The following RAPH1 variants were observed in gnomAD, a reference collection of about 807,000 sequenced individuals.
RAPH1 encodes ras-associated and pleckstrin homology domains-containing protein 1.
Under a neutral mutation model 88.1 loss-of-function variants are expected in RAPH1, and 18 were observed. The observed-to-expected ratio is 0.20, with a 90% CI of 0.14 to 0.30. The LOEUF is 0.30. Ranked by LOEUF, RAPH1 falls within the 10% of genes least tolerant of loss-of-function variation. The pLI, the probability that RAPH1 is intolerant of heterozygous loss-of-function variation, is 1.00. For missense variants in RAPH1, 1,448 were observed against 1,543.2 expected (o/e 0.94, Z 1.03); for synonymous variants, 587 against 559.0 (o/e 1.05, Z -0.71).
At chr2:203,464,766 T>C (rs1178177953) in intron 4 of RAPH1, among the ~76,000 whole-genome samples, 1 of 148,120 alleles carries the variant, frequency 6.8e-6, no homozygotes, top group Non-Finnish European at 1.5e-5. Context: ...AGAACTGTTA[T>C]AAAAAAAAAG....
intron 1 of RAPH1, among the ~76,000 whole-genome samples, chr2:203,529,028 T>C (rs1325128559): frequency 1.5e-5 from 2 of 132,220 alleles, no homozygotes; most frequent in Admixed American, 1.5e-4. Context: ...TTTTTTTTTT[T>C]TTGAGACAGG....
intron 10 of RAPH1, among the ~76,000 whole-genome samples, chr2:203,452,554 T>C (rs181539706): frequency 5.3e-5 from 8 of 152,240 alleles, no homozygotes; most frequent in Admixed American, 2.0e-4. Flanking sequence ...TGATCTCTTA[T>C]GTCAATTTAA....
chr2:203,478,256 A>G (rs1229703141), intron 4 of RAPH1, among the ~76,000 whole-genome samples: 4 of 151,892 alleles, frequency 2.6e-5, no homozygotes, highest in South Asian at 2.1e-4. Flanking sequence ...GGATGGTCTC[A>G]ATCTCCTGAC....
chr2:203,477,124 C>A, intron 4 of RAPH1: 1 of 1,613,994 alleles, frequency 6.2e-7, no homozygotes, highest in Non-Finnish European at 8.5e-7. Context: ...GACGCTTGGC[C>A]TGCTTGCTGG....
chr2:203,508,946 A>G (rs905047900), intron 1 of RAPH1, among the ~76,000 whole-genome samples: 2 of 152,020 alleles, frequency 1.3e-5, no homozygotes, highest in Non-Finnish European at 2.9e-5. Context: ...TTCCTAAAGT[A>G]TATTTGCCTT....
intron 1 of RAPH1, among the ~76,000 whole-genome samples, chr2:203,531,166 T>G (rs574710570): frequency 1.3e-5 from 2 of 152,260 alleles, no homozygotes; most frequent in Admixed American, 6.5e-5. Context: ...ACATTGGATT[T>G]GGCTACAGCC....
In RAPH1 at chr2:203,448,640, C is replaced by A; in HGVS notation, c.1512+98G>T. The A allele has an allele frequency of 1.3e-6, 1 of 740,896 alleles. No individual in the cohort carries two copies. 45.9% of individuals were successfully genotyped at this position (740,896 alleles called of 1,614,324 possible). ...TGAAAAACGTAGGCACTGGCAAATCCATGAACATGAAATAGTCAGAATAGT... is the reference window on the plus strand; with the variant it reads ...TGAAAAACGTAGGCACTGGCAAATCAATGAACATGAAATAGTCAGAATAGT... On this transcript the variant is annotated intron_variant, in intron 11 of 13. Transcript: ENST00000319170. The surrounding 1 kb of genome is among the most constrained non-coding windows in gnomAD (Gnocchi z 4.1).
At chr2:203,493,995 A>AG (rs1688395379) in intron 2 of RAPH1, among the ~76,000 whole-genome samples, 1 of 150,096 alleles carries the variant, frequency 6.7e-6, no homozygotes, top group African/African-American at 2.4e-5. Context: ...AAAAAAAAAA[A>AG]AAAGAAAAAA....
intron 4 of RAPH1, among the ~76,000 whole-genome samples, chr2:203,465,336 A>G (rs2098527631): frequency 6.6e-6 from 1 of 152,234 alleles, no homozygotes. Context: ...CAAGCCATGA[A>G]AAGACATGAA....
At chr2:203,500,573 C>G (rs1343423022) in intron 1 of RAPH1, among the ~76,000 whole-genome samples, 1 of 152,092 alleles carries the variant, frequency 6.6e-6, no homozygotes, top group East Asian at 1.9e-4. Context: ...TTTAAAATGG[C>G]CCACTCAAGA....
At chr2:203,478,278 C>T (rs1687562113) in intron 4 of RAPH1, among the ~76,000 whole-genome samples, 1 of 152,090 alleles carries the variant, frequency 6.6e-6, no homozygotes, top group African/African-American at 2.4e-5. Context: ...TCGTGATCCG[C>T]CCTCCTTGGC....
In RAPH1 at chr2:203,489,860, G is replaced by C. The variant is rs1688168454; in HGVS notation, c.456C>G (p.Ser152=). The change falls in exon 4 of 14, where the codon TCC becomes TCG. Residue 152 remains serine, a synonymous_variant. Coordinates refer to ENST00000319170, the MANE Select transcript of RAPH1 (RefSeq NM_213589.3). ...CTAACTGTGCAGTGACGTCGTCCAA[G>C]GAGTAGCTGGCATGGGAAGGTTTAG... ...RIAKPSHASY[S]LDDVTAQLEQ... The C allele has an allele frequency of 6.2e-7, 1 of 1,614,108 alleles. No individual in the cohort carries two copies. Among genetic ancestry groups the C allele is most frequent in the African/African-American group, 1.3e-5 (1 of 74,938 alleles).
intron 8 of RAPH1, among the ~76,000 whole-genome samples, chr2:203,457,200 T>C (rs1157250557): frequency 6.6e-6 from 1 of 151,854 alleles, no homozygotes; most frequent in Non-Finnish European, 1.5e-5. Context: ...TATTTATTTA[T>C]TTTATTGAGA....
Position 203,448,351 on chromosome 2 carries a change from T to C in RAPH1, c.1513-272A>G, listed in dbSNP as rs556177798. Among the ~76,000 whole-genome samples the C allele has an allele frequency of 4.9e-4, 74 of 152,320 alleles. No homozygotes were observed. In the South Asian group the frequency reaches 0.015, roughly 32 times the overall value. On this transcript the variant is annotated intron_variant, in intron 11 of 13. Coordinates refer to ENST00000319170, the MANE Select transcript of RAPH1 (RefSeq NM_213589.3). This position sits in a 1 kb window ranked among gnomAD's most constrained non-coding sequence, Gnocchi z 4.1. ...CCCAAATTCTTGATCCAAGGGCAGCTTTTTAGCACTCTTCAGGATACTGCT... is the reference window on the plus strand; with the variant it reads ...CCCAAATTCTTGATCCAAGGGCAGCCTTTTAGCACTCTTCAGGATACTGCT...
intron 7 of RAPH1, among the ~76,000 whole-genome samples, chr2:203,458,240 G>A (rs935567169): frequency 2.6e-5 from 4 of 152,182 alleles, no homozygotes; most frequent in Admixed American, 1.3e-4. Context: ...GTGGCAGCAC[G>A]CACCTGTAGT....
At chr2:203,531,764 A>C (rs1177841480) in intron 1 of RAPH1, among the ~76,000 whole-genome samples, 1 of 152,232 alleles carries the variant, frequency 6.6e-6, no homozygotes, top group African/African-American at 2.4e-5. Context: ...GATACAGAGA[A>C]ACTGGAACCT....
rs1338464109 is a variant in RAPH1, at chr2:203,439,881, G to C, written c.3309C>G (p.Val1103=). 1 of 1,613,970 alleles carries C rather than the reference G, an allele frequency of 6.2e-7. No homozygotes were observed. Among genetic ancestry groups the C allele is most frequent in the South Asian group, 1.1e-5 (1 of 91,050 alleles). ...FSGNTSPKVA[V]VNPQPQQWSK... The stretch of plus-strand genomic sequence containing the variant: ...ACCATTGTTGTGGTTGAGGATTAAC[G>C]ACTGCCACTTTTGGAGAGGTGTTTC... Residue 1103 remains valine (V), a synonymous_variant, in exon 14 of 14, where the codon GTC becomes GTG. Transcript: ENST00000319170.
chr2:203,458,818 A>G (rs1282398891), intron 7 of RAPH1, among the ~76,000 whole-genome samples: 1 of 151,450 alleles, frequency 6.6e-6, no homozygotes, highest in Non-Finnish European at 1.5e-5. Context: ...GCTGGAGTGC[A>G]GTGGCACAAT....
chr2:203,504,501 G>A (rs1401235311), intron 1 of RAPH1, among the ~76,000 whole-genome samples: 1 of 152,140 alleles, frequency 6.6e-6, no homozygotes, highest in Non-Finnish European at 1.5e-5. Context: ...GGGATCCTGG[G>A]CCCGGCCCAC....
Sources: gnomAD v4.1 joint callset for allele counts (sites outside exome capture counted in the v4.1 genomes callset) on GRCh38, gnomAD v4.1.1 for gene constraint, Gnocchi (gnomAD v3.1) non-coding constraint, MANE v1.5 for transcripts, NCBI Gene and HGNC (gene_info 2026-07-23, HGNC 2026-07-21) for gene names.